ARMC8: variants seen among roughly 807,000 people sequenced by gnomAD.
The protein encoded by ARMC8 is armadillo repeat containing 8, also known as armadillo repeat-containing protein 8.
A neutral mutation model predicts 99.3 loss-of-function variants in ARMC8; 20 were observed. That is an observed-to-expected ratio of 0.20 (90% CI 0.14 to 0.29). The LOEUF (loss-of-function observed/expected upper bound fraction) is 0.29. Ranked by LOEUF, ARMC8 falls within the 10% of genes least tolerant of loss-of-function variation. ARMC8 has a pLI of 1.00. For synonymous variants in ARMC8, 263 were observed against 278.3 expected, an observed-to-expected ratio of 0.95 and a Z score of 0.55; for missense variants, 569 against 809.5, an observed-to-expected ratio of 0.70 and a Z score of 3.60.
At chr3:138,274,233 ATGTGTGTGTG>A (rs142329302) in intron 17 of ARMC8, among the ~76,000 whole-genome samples, 2 of 142,268 alleles carry the variant, frequency 1.4e-5, no homozygotes, top group African/African-American at 2.8e-5. Context: ...GTGTATATAC[ATGTGTGTGTG>A]TGTGTGTGTG....
intron 2 of ARMC8, among the ~76,000 whole-genome samples, chr3:138,220,305 A>G (rs2045321529): frequency 6.6e-6 from 1 of 152,194 alleles, no homozygotes; most frequent in Non-Finnish European, 1.5e-5. Context: ...CTTGCTAACA[A>G]CCTCAGTAAA....
chr3:138,293,548 G>A (rs1010513618), intron 21 of ARMC8, among the ~76,000 whole-genome samples: 10 of 151,392 alleles, frequency 6.6e-5, no homozygotes, highest in African/African-American at 2.4e-4. Flanking sequence ...AAAAAAAAAA[G>A]AAAAGAGGAA....
chr3:138,251,485 GC>G (rs1376815065), intron 12 of ARMC8, among the ~76,000 whole-genome samples: 2 of 152,190 alleles, frequency 1.3e-5, no homozygotes, highest in African/African-American at 4.8e-5. Context: ...CTACTGAATA[GC>G]AGCAAATTCA....
At chr3:138,221,845 T>C (rs559531135) in intron 2 of ARMC8, 81 bp from the exon 3 acceptor site, 13 of 1,073,922 alleles carry the variant, frequency 1.2e-5, no homozygotes, top group African/African-American at 6.2e-5. Flanking sequence ...ATCTAAGATA[T>C]TGCATAATGA....
At chr3:138,244,106 A>G (rs1461332115) in intron 11 of ARMC8, among the ~76,000 whole-genome samples, 1 of 152,152 alleles carries the variant, frequency 6.6e-6, no homozygotes, top group Non-Finnish European at 1.5e-5. Flanking sequence ...GTTTAAAGAT[A>G]CCATTAATTG....
At chr3:138,215,124 G>C (rs1355189119) in intron 2 of ARMC8, among the ~76,000 whole-genome samples, 7 of 152,166 alleles carry the variant, frequency 4.6e-5, no homozygotes, top group Non-Finnish European at 2.9e-5. Context: ...GTCTTTACTT[G>C]CAGACAGATA....
At chr3:138,214,835 G>T (rs749155963) in intron 2 of ARMC8, among the ~76,000 whole-genome samples, 1 of 152,052 alleles carries the variant, frequency 6.6e-6, no homozygotes, top group South Asian at 2.1e-4. Context: ...TGTATTTTTA[G>T]TAGAGACAAG....
intron 2 of ARMC8, among the ~76,000 whole-genome samples, chr3:138,220,029 A>C (rs574005543): frequency 3.9e-4 from 59 of 152,272 alleles, no homozygotes; most frequent in African/African-American, 1.2e-3. Flanking sequence ...TCAGAATGGC[A>C]CTTAGCCTAC....
intron 1 of ARMC8, among the ~76,000 whole-genome samples, chr3:138,190,454 T>A (rs2043321156): frequency 6.6e-6 from 1 of 151,906 alleles, no homozygotes; most frequent in Non-Finnish European, 1.5e-5. Flanking sequence ...GCCTGGCTAA[T>A]TTTTTTGTAT....
At chr3:138,270,243 C>T in intron 16 of ARMC8, 111 bp downstream of exon 16, 1 of 879,122 alleles carries the variant, frequency 1.1e-6, no homozygotes, top group African/African-American at 1.7e-5. Context: ...TTTCAAAAAT[C>T]TGGCTATTTT....
chr3:138,276,777 G>A (rs2049336835), intron 18 of ARMC8, among the ~76,000 whole-genome samples: 1 of 152,058 alleles, frequency 6.6e-6, no homozygotes, highest in African/African-American at 2.4e-5. Flanking sequence ...CCAAATAAAT[G>A]GAGAGATATA....
intron 2 of ARMC8, among the ~76,000 whole-genome samples, chr3:138,213,224 AG>A (rs1274193599): frequency 6.6e-6 from 1 of 152,274 alleles, no homozygotes; most frequent in Non-Finnish European, 1.5e-5. Flanking sequence ...TTAGAGCTAT[AG>A]ATCTACCCAT....
chr3:138,266,337 C>T (rs1438048313), intron 14 of ARMC8, among the ~76,000 whole-genome samples: 1 of 152,070 alleles, frequency 6.6e-6, no homozygotes, highest in Non-Finnish European at 1.5e-5. Flanking sequence ...AACACACTTG[C>T]TTATGGAGTG....
chr3:138,192,229 C>T (rs1490362050), intron 1 of ARMC8, among the ~76,000 whole-genome samples: 2 of 151,300 alleles, frequency 1.3e-5, no homozygotes, highest in Non-Finnish European at 2.9e-5. Context: ...ATTTGCATTT[C>T]CCTAATGATT....
chr3:138,274,693 C>T (rs2049105791), intron 18 of ARMC8, 149 bp downstream of exon 18: 1 of 631,218 alleles, frequency 1.6e-6, no homozygotes, highest in Non-Finnish European at 2.8e-6. Flanking sequence ...TTCCACCATC[C>T]CTTAAACTCT....
At chr3:138,295,461 G>T (rs2051396142) in intron 21 of ARMC8, among the ~76,000 whole-genome samples, 1 of 152,198 alleles carries the variant, frequency 6.6e-6, no homozygotes, top group Non-Finnish European at 1.5e-5. Flanking sequence ...AACCCTAAGT[G>T]TTCTCCCTAG....
At chr3:138,216,579 A>T (rs16847928) in intron 2 of ARMC8, among the ~76,000 whole-genome samples, 1 of 152,234 alleles carries the variant, frequency 6.6e-6, no homozygotes, top group Non-Finnish European at 1.5e-5. Flanking sequence ...TTACAATTAC[A>T]GGGACAGAGC....
chr3:138,188,392 T>TTTTTA, intron 1 of ARMC8: 1 of 1,439,966 alleles, frequency 6.9e-7, no homozygotes, highest in African/African-American at 1.5e-5. Context: ...TTTTTTTTTT[T>TTTTTA]AAAAAAAGTT....
intron 1 of ARMC8, among the ~76,000 whole-genome samples, chr3:138,198,113 T>A (rs1304376080): frequency 6.6e-6 from 1 of 152,104 alleles, no homozygotes; most frequent in East Asian, 1.9e-4. Context: ...GTGGATCACT[T>A]GAGTCTGTGA....
Sources: gnomAD v4.1 joint callset for allele counts (sites outside exome capture counted in the v4.1 genomes callset) on GRCh38, gnomAD v4.1.1 for gene constraint, MANE v1.5 for transcripts, NCBI Gene and HGNC (gene_info 2026-07-23, HGNC 2026-07-21) for gene names.